The following TIAM1 variants were observed in gnomAD, a reference collection of about 807,000 sequenced individuals.
TIAM1 encodes rho guanine nucleotide exchange factor TIAM1.
Under a neutral mutation model 163.5 loss-of-function variants are expected in TIAM1, and 65 were observed. The observed-to-expected ratio is 0.40, with a 90% CI of 0.33 to 0.49. The LOEUF is 0.49. TIAM1 is among the 20% of genes least tolerant of loss of function. The pLI is 0.77. For missense variants in TIAM1, 1,789 were observed against 2,044.7 expected (o/e 0.87, Z 2.41); for synonymous variants, 833 against 810.1 (o/e 1.03, Z -0.48).
At chr21:31,539,228 G>T (rs2048239580) in intron 1 of TIAM1, among the ~76,000 whole-genome samples, 1 of 150,676 alleles carries the variant, frequency 6.6e-6, no homozygotes, top group African/African-American at 2.5e-5. Context: ...CTGAGGCACT[G>T]GATTGTATTA....
intron 1 of TIAM1, among the ~76,000 whole-genome samples, chr21:31,519,620 C>T (rs2047510934): frequency 6.6e-6 from 1 of 152,026 alleles, no homozygotes; most frequent in Non-Finnish European, 1.5e-5. Flanking sequence ...TTTGTACACC[C>T]GTTAACAACA....
At chr21:31,496,459 CAAAA>C (rs58140674) in intron 1 of TIAM1, among the ~76,000 whole-genome samples, 4,678 of 87,856 alleles carry the variant, frequency 0.053, 169 homozygotes, top group African/African-American at 0.16. Context: ...AACTCTGTCT[CAAAA>C]AAAAAAAAAA....
intron 8 of TIAM1, among the ~76,000 whole-genome samples, chr21:31,219,011 A>G (rs960685981): frequency 1.4e-5 from 2 of 146,506 alleles, no homozygotes; most frequent in Non-Finnish European, 1.5e-5. Flanking sequence ...CCAGCAACCC[A>G]GAGAAGCATT....
intron 12 of TIAM1, among the ~76,000 whole-genome samples, chr21:31,202,667 G>A (rs546273364): frequency 4.9e-4 from 75 of 152,326 alleles, no homozygotes; most frequent in Non-Finnish European, 9.1e-4. Flanking sequence ...CTATCTAAGA[G>A]ATAGCTCTAG....
intron 2 of TIAM1, among the ~76,000 whole-genome samples, chr21:31,394,728 T>TCTCTCTCTCTCACACA (rs1279053911): frequency 5.2e-5 from 5 of 95,726 alleles, no homozygotes; most frequent in Admixed American, 2.3e-4. Flanking sequence ...TCTCTCTCTC[T>TCTCTCTCTCTCACACA]CACACACACA....
intron 2 of TIAM1, among the ~76,000 whole-genome samples, chr21:31,356,179 A>T (rs1178107681): frequency 6.6e-6 from 1 of 152,238 alleles, no homozygotes; most frequent in East Asian, 1.9e-4. Flanking sequence ...CAGCAAAGAA[A>T]GAAATAAGGA....
chr21:31,251,761 G>C lies in TIAM1; in HGVS notation c.1392C>G (p.His464Gln), dbSNP rs1382391692. The C allele has an allele frequency of 3.1e-6, 5 of 1,599,884 alleles. No individual in the cohort carries two copies. In the East Asian group the frequency reaches 1.1e-4, roughly 36 times the overall value. Residue 464 changes from histidine (H) to glutamine (Q), a missense_variant, in exon 5 of 28, where the codon CAC becomes CAG. Physicochemically the swap from His to Gln is conservative, Grantham distance 24. This residue lies in a region of TIAM1 where 456 missense variants were observed against 586.6 expected (regional missense o/e 0.78). Transcript: ENST00000541036. ...VESATRRKWK[H>Q]YWVSLKGCTL... ...TCTCACCTTTCAGGGACACCCAGTA[G>C]TGCTTCCACTTCCTCCGGGTGGCTG...
rs759986777 is a variant in TIAM1, at chr21:31,182,580, T to C, written c.2728A>G (p.Met910Val). Residue 910 changes from methionine (M) to valine (V), a missense_variant, in exon 15 of 28, where the codon ATG becomes GTG. Met to Val is a conservative substitution (Grantham distance 21, BLOSUM62 1). Transcript: ENST00000541036. ...NRAADALNSS[M>V]LKDFLSQPSL... is the part of the protein sequence containing the mutation. ...GGCTGTGAGAGGAAATCTTTGAGCATAGAAGAGTTCAGGGCGTCAGCAGCA... is the reference window on the plus strand; with the variant it reads ...GGCTGTGAGAGGAAATCTTTGAGCACAGAAGAGTTCAGGGCGTCAGCAGCA... 4.5e-5 allele frequency: 72 copies of C among 1,613,980 alleles called. 1 individual carries two copies. Among genetic ancestry groups the C allele is most frequent in the South Asian group, 1.6e-4 (15 of 91,050 alleles).
intron 23 of TIAM1, among the ~76,000 whole-genome samples, chr21:31,132,186 C>T (rs1294660205): frequency 6.6e-6 from 1 of 152,158 alleles, no homozygotes; most frequent in Non-Finnish European, 1.5e-5. Flanking sequence ...CCTTTGGAGG[C>T]CAACTGGAAG....
At chr21:31,402,813 G>C (rs536663594) in intron 2 of TIAM1, among the ~76,000 whole-genome samples, 1 of 152,042 alleles carries the variant, frequency 6.6e-6, no homozygotes, top group African/African-American at 2.4e-5. Context: ...TTAGCCGGGC[G>C]TGGTAGCAGG....
chr21:31,161,770 A>C (rs1300617988), intron 16 of TIAM1, among the ~76,000 whole-genome samples: 1 of 152,230 alleles, frequency 6.6e-6, no homozygotes, highest in Non-Finnish European at 1.5e-5. Flanking sequence ...TCGTGCATTC[A>C]GACAAGGCTA....
At chr21:31,225,321 C>T (rs1490663188) in intron 7 of TIAM1, among the ~76,000 whole-genome samples, 3 of 151,998 alleles carry the variant, frequency 2.0e-5, no homozygotes, top group South Asian at 2.1e-4. Context: ...TTTTAATGTA[C>T]GTTACCTTTT....
intron 1 of TIAM1, among the ~76,000 whole-genome samples, chr21:31,520,709 C>A (rs1238849067): frequency 2.6e-5 from 4 of 152,176 alleles, no homozygotes; most frequent in Non-Finnish European, 5.9e-5. Flanking sequence ...ACAGCTGAAG[C>A]AACAAAGCCA....
At chr21:31,303,055 T>TA (rs1328945391) in intron 2 of TIAM1, among the ~76,000 whole-genome samples, 1 of 152,182 alleles carries the variant, frequency 6.6e-6, no homozygotes, top group Non-Finnish European at 1.5e-5. Flanking sequence ...ACGAACAAGA[T>TA]ACCATTCTAA....
intron 24 of TIAM1, 124 bp from the exon 25 acceptor site, chr21:31,130,439 A>C: frequency 1.4e-6 from 1 of 710,638 alleles, no homozygotes; most frequent in South Asian, 1.7e-5. Context: ...AAGGATCTTC[A>C]CCCCCATGAG....
At chr21:31,447,210 G>A (rs976398661) in intron 2 of TIAM1, among the ~76,000 whole-genome samples, 3 of 152,110 alleles carry the variant, frequency 2.0e-5, no homozygotes, top group African/African-American at 7.2e-5. Context: ...CCAACAAAGG[G>A]AAACCCCAAC....
At position 31,452,245 on chromosome 21, in the gene TIAM1, C is replaced by T. The variant is rs114368083; in HGVS notation, c.-369+11738G>A. Among the ~76,000 whole-genome samples, 1,509 of 152,232 alleles carry T rather than the reference C, an allele frequency of 9.9e-3. 19 individuals are homozygous for T. Among genetic ancestry groups the T allele is most frequent in the African/African-American group, 0.034 (1,407 of 41,544 alleles). On this transcript the variant is annotated intron_variant, in intron 2 of 28. Transcript: ENST00000286827. ...CCGAGCTCAGGAGTTCAAGACCAGC[C>T]GAGCCAACATGATGAAATCCTGTCT...
rs1474035199 is a variant in TIAM1, at chr21:31,430,220, AAAAAAATAT to A, written c.-369+33754_-369+33762del. On this transcript the variant is annotated intron_variant, in intron 2 of 28. Coordinates refer to the TIAM1 transcript ENST00000286827. ...AAACTCCATCTCAAAGAAAAAAAAA[AAAAAAATAT>A]ATATATATATATATATATACACACA... Among the ~76,000 whole-genome samples the A allele has an allele frequency of 1.0e-3, 116 of 111,342 alleles. 1 individual carries two copies. The highest frequency in any genetic ancestry group is 8.0e-3 in the Middle Eastern group (2 of 250). 73.0% of individuals were successfully genotyped at this position (111,342 alleles called of 152,430 possible). A position where few individuals can be genotyped will look rare whatever the true frequency, so the allele number is the denominator to read the frequency against.
chr21:31,406,038 G>A (rs980968847), intron 2 of TIAM1, among the ~76,000 whole-genome samples: 8 of 152,056 alleles, frequency 5.3e-5, no homozygotes, highest in Non-Finnish European at 7.4e-5. Flanking sequence ...CAAAGAGATT[G>A]CCGTCATCCT....
Sources: allele counts gnomAD v4.1 joint callset (sites outside exome capture counted in the v4.1 genomes callset), GRCh38; gene constraint gnomAD v4.1.1; regional missense constraint gnomAD v4.1.1; transcripts MANE v1.5; gene names NCBI Gene and HGNC (gene_info 2026-07-23, HGNC 2026-07-21).